Variants in PKIB observed in about 807,000 individuals in gnomAD.
PKIB encodes the protein PKI-beta.
A neutral mutation model predicts 4.5 loss-of-function variants in PKIB; 2 were observed. The observed-to-expected ratio is 0.44, with a 90% CI of 0.18 to 1.39. PKIB has a LOEUF of 1.39. Among genes scored for constraint, PKIB ranks in the 40% most tolerant of loss-of-function variants. The pLI is 0.27. For synonymous variants in PKIB, 38 were observed against 36.0 expected (o/e 1.06, Z -0.20); for missense variants, 94 against 92.6 (o/e 1.02, Z -0.06).
intron 2 of PKIB, among the ~76,000 whole-genome samples, chr6:122,576,135 C>G (rs9398678): frequency 0.11 from 17,232 of 152,204 alleles, 1,232 homozygotes; most frequent in East Asian, 0.21. Context: ...TGGAAATGTC[C>G]TATAACTTGA....
In PKIB at chr6:122,593,601, T is replaced by C. The variant is rs115103060; in HGVS notation, c.-161+7594T>C. Among the ~76,000 whole-genome samples, 1,168 of 152,342 alleles carry C rather than the reference T, an allele frequency of 7.7e-3. 20 individuals are homozygous for C. The highest frequency in any genetic ancestry group is 0.025 in the African/African-American group (1,027 of 41,578). ...GATAATGAATAATTTGTAAACATAA[T>C]ATTCACAATTGTTAAAGCTTTTCAA... is the stretch of plus-strand genomic sequence containing the variant. On this transcript the variant is annotated intron_variant, in intron 3 of 6. Transcript: ENST00000392491.
At chr6:122,624,846 G>A (rs898385229) in intron 1 of PKIB, among the ~76,000 whole-genome samples, 2 of 152,198 alleles carry the variant, frequency 1.3e-5, no homozygotes, top group African/African-American at 4.8e-5. Context: ...CAATGATTAA[G>A]TGGACTAAAA....
At chr6:122,591,860 C>T (rs929128218) in intron 3 of PKIB, among the ~76,000 whole-genome samples, 1 of 150,332 alleles carries the variant, frequency 6.7e-6, no homozygotes, top group Non-Finnish European at 1.5e-5. Context: ...ACAGGAATTA[C>T]ATGAGTGTGT....
chr6:122,675,805 T>C (rs1018180891), intron 3 of PKIB, among the ~76,000 whole-genome samples: 1 of 152,120 alleles, frequency 6.6e-6, no homozygotes, highest in Non-Finnish European at 1.5e-5. Context: ...GAAAAAAAAT[T>C]ATGTTTTTTT....
chr6:122,570,195 A>G (rs1773319262), intron 2 of PKIB, among the ~76,000 whole-genome samples: 1 of 152,238 alleles, frequency 6.6e-6, no homozygotes, highest in Non-Finnish European at 1.5e-5. Context: ...CTGAATAGCC[A>G]GAACACTGGG....
At chr6:122,610,882 C>T (rs1453678757) in intron 1 of PKIB, among the ~76,000 whole-genome samples, 1 of 152,108 alleles carries the variant, frequency 6.6e-6, no homozygotes, top group Non-Finnish European at 1.5e-5. Context: ...CTTCGGCTCT[C>T]GCGCCAGCAA....
chr6:122,689,433 A>G (rs9482266), intron 3 of PKIB, among the ~76,000 whole-genome samples: 77,958 of 151,922 alleles, frequency 0.51, 20,594 homozygotes, highest in South Asian at 0.71. Context: ...GTTTTTGTGA[A>G]TTCCACAGGT....
At position 122,498,240 on chromosome 6, in the gene PKIB, C is replaced by T. The variant is rs77793851; in HGVS notation, c.-248+20301C>T. Among the ~76,000 whole-genome samples the T allele has an allele frequency of 8.5e-5, 13 of 152,330 alleles. No individual in the cohort carries two copies. In the East Asian group the frequency reaches 2.3e-3, roughly 27 times the overall value. On this transcript the variant is annotated intron_variant, in intron 2 of 6. Transcript: ENST00000392491. Reference sequence around the variant, plus strand: ...CCTCACAATCATGGTAGAAGGTGTACAGCACACCTCATATGGTGGTGGACA... The same window carrying T: ...CCTCACAATCATGGTAGAAGGTGTATAGCACACCTCATATGGTGGTGGACA...
chr6:122,509,055 T>C lies in PKIB; in HGVS notation c.-248+31116T>C, dbSNP rs567101851. Among the ~76,000 whole-genome samples the C allele has an allele frequency of 2.0e-3, 309 of 152,196 alleles. 1 individual carries two copies. Among genetic ancestry groups the C allele is most frequent in the Middle Eastern group, 0.01 (3 of 294 alleles). ...TGAGCCACCGCGCCCGGCCTAAAAT[T>C]TTTTAATACTGTAATTACTGTTTGT... is the stretch of plus-strand genomic sequence containing the variant. On this transcript the variant is annotated intron_variant, in intron 2 of 6. Coordinates refer to the PKIB transcript ENST00000392491.
chr6:122,590,985 TATC>T (rs1397385839), intron 3 of PKIB, among the ~76,000 whole-genome samples: 1 of 152,076 alleles, frequency 6.6e-6, no homozygotes, highest in Non-Finnish European at 1.5e-5. Context: ...TGCCCTTGCT[TATC>T]ATGGAGTATC....
chr6:122,541,488 T>C (rs539592665), intron 2 of PKIB, among the ~76,000 whole-genome samples: 20 of 152,120 alleles, frequency 1.3e-4, no homozygotes, highest in Admixed American at 2.6e-4. Context: ...AATTCTGTTC[T>C]TTAAGAATGT....
At chr6:122,627,225 C>G (rs1775488014) in intron 1 of PKIB, among the ~76,000 whole-genome samples, 1 of 150,504 alleles carries the variant, frequency 6.6e-6, no homozygotes, top group Non-Finnish European at 1.5e-5. Flanking sequence ...GCCTGGGCGA[C>G]AGAGTTAGAC....
chr6:122,521,802 G>A (rs1254745562), intron 2 of PKIB, among the ~76,000 whole-genome samples: 3 of 152,104 alleles, frequency 2.0e-5, no homozygotes, highest in South Asian at 2.1e-4. Context: ...TGCTTCAAAT[G>A]CCAAATGACC....
chr6:122,565,896 A>G (rs1201102615), intron 2 of PKIB, among the ~76,000 whole-genome samples: 16 of 152,216 alleles, frequency 1.1e-4, no homozygotes, highest in Admixed American at 7.2e-4. Context: ...CTTTAATGAC[A>G]TCATCACAAA....
At chr6:122,676,642 GTCAC>G (rs1777686667) in intron 3 of PKIB, among the ~76,000 whole-genome samples, 1 of 152,152 alleles carries the variant, frequency 6.6e-6, no homozygotes, top group African/African-American at 2.4e-5. Context: ...GTAGTTAACA[GTCAC>G]TTTATCTTGG....
At chr6:122,636,490 C>T (rs571016029) in intron 2 of PKIB, among the ~76,000 whole-genome samples, 10 of 151,668 alleles carry the variant, frequency 6.6e-5, no homozygotes, top group African/African-American at 1.5e-4. Context: ...AAGAAATGTA[C>T]AAGACTTAAG....
chr6:122,565,418 C>T (rs1773159173), intron 2 of PKIB, among the ~76,000 whole-genome samples: 1 of 152,128 alleles, frequency 6.6e-6, no homozygotes, highest in South Asian at 2.1e-4. Flanking sequence ...TTATTTGAAT[C>T]TCAGCTGTCT....
intron 2 of PKIB, among the ~76,000 whole-genome samples, chr6:122,560,504 T>C (rs1772982111): frequency 1.3e-5 from 2 of 152,146 alleles, no homozygotes; most frequent in South Asian, 4.1e-4. Flanking sequence ...GTTTTCTTTT[T>C]TGGTTATGTC....
At position 122,682,154 on chromosome 6, in the gene PKIB, C is replaced by T. The variant is rs561742168; in HGVS notation, c.-9+7010C>T. Among the ~76,000 whole-genome samples, 6 of 150,410 alleles carry T rather than the reference C, an allele frequency of 4.0e-5. No individual in the cohort carries two copies. In the East Asian group the frequency reaches 9.7e-4, roughly 24 times the overall value. On this transcript the variant is annotated intron_variant, in intron 3 of 4. Coordinates refer to ENST00000368452, the MANE Select transcript of PKIB (RefSeq NM_181795.3). ...AACACTAACTTTTTTTTTTTTAGCT[C>T]GAATAGTCTATAATTCTAAATGGAA...
Sources: allele counts gnomAD v4.1 joint callset (sites outside exome capture counted in the v4.1 genomes callset), GRCh38; gene constraint gnomAD v4.1.1; transcripts MANE v1.5; gene names NCBI Gene and HGNC (gene_info 2026-07-23, HGNC 2026-07-21).